ANKRD26: variants seen among roughly 807,000 people sequenced by gnomAD.
ANKRD26 encodes ankyrin repeat domain 26.
ANKRD26 carries 141 observed loss-of-function variants against 208.7 expected under a neutral mutation model. The ratio of observed to expected loss-of-function variants is 0.68; its 90% confidence interval spans 0.59 to 0.78. The LOEUF is 0.78. Among genes scored for constraint, ANKRD26 ranks in the 30% least tolerant of loss-of-function variants. ANKRD26 has a pLI of 0.00. For missense variants in ANKRD26, 1,889 were observed against 1,938.7 expected (o/e 0.97, Z 0.48); for synonymous variants, 636 against 660.4 (o/e 0.96, Z 0.57).
Position 27,028,913 on chromosome 10 carries a change from G to GT in ANKRD26, c.3910dup (p.Thr1304AsnfsTer10), listed in dbSNP as rs1220532277. ...AATTTTGTCCATTTGCTTTTTGACT[G>GT]TAACTTTTAACTTGGCATTATCTTT... On this transcript the variant is annotated frameshift_variant, in exon 27 of 34. Coordinates refer to ENST00000376087, the MANE Select transcript of ANKRD26 (RefSeq NM_014915.3). LOFTEE classifies it high-confidence loss of function. The GT allele has an allele frequency of 6.2e-7, 1 of 1,612,488 alleles. No individual in the cohort carries two copies. Among genetic ancestry groups the GT allele is most frequent in the African/African-American group, 1.3e-5 (1 of 74,856 alleles).
In ANKRD26 at chr10:27,024,507, A is replaced by G; in HGVS notation, c.4025T>C (p.Leu1342Pro). The G allele has an allele frequency of 1.9e-6, 3 of 1,587,656 alleles. No individual in the cohort carries two copies. Among genetic ancestry groups the G allele is most frequent in the Non-Finnish European group, 2.6e-6 (3 of 1,158,554 alleles). Residue 1342 changes from leucine (L) to proline (P), a missense_variant, in exon 28 of 34, where the codon CTG (leucine) becomes CCG (proline). Coordinates refer to ENST00000376087, the MANE Select transcript of ANKRD26 (RefSeq NM_014915.3). ...LKKLMELKQS[L>P]ECNLDQEMKK... ...CATTTCTTGATCCAAATTACATTCC[A>G]GTGACTGTTTTAATTCCATAAGTTT...
At chr10:27,090,545 C>T (rs188426182) in intron 4 of ANKRD26, among the ~76,000 whole-genome samples, 1 of 152,244 alleles carries the variant, frequency 6.6e-6, no homozygotes, top group Non-Finnish European at 1.5e-5. Context: ...TAGACATAAG[C>T]ATCTTGGGTG....
At chr10:27,055,823 T>C (rs2054819422) in intron 15 of ANKRD26, among the ~76,000 whole-genome samples, 1 of 151,418 alleles carries the variant, frequency 6.6e-6, no homozygotes, top group South Asian at 2.1e-4. Flanking sequence ...AGAAATAATA[T>C]TTGATTTGAA....
At chr10:27,080,511 A>G (rs2055869344) in intron 6 of ANKRD26, 3 of 501,212 alleles carry the variant, frequency 6.0e-6, no homozygotes, top group South Asian at 1.7e-4. Context: ...CCTGCCTTAA[A>G]CTAGCAAGCC....
intron 4 of ANKRD26, among the ~76,000 whole-genome samples, chr10:26,996,996 T>C (rs1322180103): frequency 6.6e-6 from 1 of 152,202 alleles, no homozygotes; most frequent in Non-Finnish European, 1.5e-5. Flanking sequence ...TTTCTTGTTT[T>C]GTTTGTTTTG....
chr10:26,979,205 C>T (rs1033621112), intron 5 of ANKRD26, among the ~76,000 whole-genome samples: 2 of 152,026 alleles, frequency 1.3e-5, no homozygotes, highest in African/African-American at 2.4e-5. Context: ...GGCGACAGAG[C>T]GAGACTCCAT....
At chr10:26,951,003 CTTTTCTTTTCT>C in the ANKRD26 span, among the ~76,000 whole-genome samples, 1 of 78,264 alleles carries the variant, frequency 1.3e-5, no homozygotes, top group Non-Finnish European at 2.3e-5. Context: ...TTTCTTTTTT[CTTTTCTTTTCT>C]TTTTCTTTTT....
rs2056613825 is a variant in ANKRD26, at chr10:27,100,420, G to T, written c.-94C>A. 4 of 1,546,606 alleles carry T rather than the reference G, an allele frequency of 2.6e-6. No homozygotes were observed. The South Asian group carries it at 4.7e-5, about 18-fold the overall frequency. On this transcript the variant is annotated 5_prime_UTR_variant, in exon 1 of 34. Transcript: ENST00000376087. ...CATAACAAGTCAGCCCCGGCTGGCC[G>T]CAGCCTCCCAAAGGAAACTCCGCGG...
chr10:27,088,023 C>A (rs1239833875), intron 4 of ANKRD26, among the ~76,000 whole-genome samples: 1 of 152,076 alleles, frequency 6.6e-6, no homozygotes, highest in Non-Finnish European at 1.5e-5. Flanking sequence ...TGGCCTCAAG[C>A]AATTCTCCTG....
intron 15 of ANKRD26, among the ~76,000 whole-genome samples, chr10:27,059,314 G>T (rs1296642059): frequency 1.3e-5 from 2 of 152,190 alleles, no homozygotes; most frequent in Non-Finnish European, 2.9e-5. Context: ...AGAGCTACTT[G>T]TGTCGATACG....
In ANKRD26 at chr10:27,028,864, T is replaced by C. The variant is rs2053768296; in HGVS notation, c.3960A>G (p.Leu1320=). 1 of 1,613,048 alleles carries C rather than the reference T, an allele frequency of 6.2e-7. No homozygotes were observed. Residue 1320 remains leucine, a synonymous_variant, in exon 27 of 34, where the codon TTA becomes TTG. Transcript: ENST00000376087. ...GTGGCTGACTTACCAAATTTGCATT[T>C]AACAGGTTTTTCTGAAGCTCCTCAA... ...DKIEELQKNL[L]NANLSEDEKE...
chr10:26,972,835 C>T (rs2052170766), downstream of ANKRD26, among the ~76,000 whole-genome samples: 1 of 152,060 alleles, frequency 6.6e-6, no homozygotes, highest in Non-Finnish European at 1.5e-5. Flanking sequence ...TGTGATCTGC[C>T]CGCCTCAGCC....
At chr10:27,089,500 T>C (rs1162594851) in intron 4 of ANKRD26, among the ~76,000 whole-genome samples, 1 of 152,212 alleles carries the variant, frequency 6.6e-6, no homozygotes, top group Non-Finnish European at 1.5e-5. Flanking sequence ...GATAAAAAAA[T>C]TCTATACCCG....
At position 27,046,510 on chromosome 10, in the gene ANKRD26, A is replaced by C. The variant is rs1423059400; in HGVS notation, c.1828T>G (p.Leu610Val). 6.2e-7 allele frequency: 1 copy of C among 1,613,806 alleles called. No homozygotes were observed. Among genetic ancestry groups the C allele is most frequent in the Non-Finnish European group, 8.5e-7 (1 of 1,179,978 alleles). Residue 610 changes from leucine to valine, a missense_variant, in exon 18 of 34, where the codon TTG becomes GTG. Around this residue, in one of 3 missense-constraint regions of ANKRD26, gnomAD observed 1,272 missense variants for 1,273.8 expected, o/e 1.00. Transcript: ENST00000376087. ...GTGCTCTTTACTTCCTTCATTTGCA[A>C]GGCAGGACCACTACTTTAAAAAATC... ...NKEYASSGPALQMKEVKSTEK... is the reference protein window; with the variant it reads ...NKEYASSGPAVQMKEVKSTEK...
At chr10:26,984,987 T>C (rs770881253) in intron 3 of ANKRD26, among the ~76,000 whole-genome samples, 3 of 152,186 alleles carry the variant, frequency 2.0e-5, no homozygotes, top group Admixed American at 6.6e-5. Context: ...CCTATCACTG[T>C]GAAGTTCAGA....
chr10:27,050,161 A>G (rs1437123020), intron 16 of ANKRD26, among the ~76,000 whole-genome samples: 1 of 130,498 alleles, frequency 7.7e-6, no homozygotes, highest in Non-Finnish European at 1.6e-5. Flanking sequence ...CGGAGGTTGC[A>G]GTGAGCCAAG....
In ANKRD26 at chr10:27,035,178, G is replaced by T; in HGVS notation, c.3272C>A (p.Thr1091Asn). 1 of 1,613,968 alleles carries T rather than the reference G, an allele frequency of 6.2e-7. No homozygotes were observed. The highest frequency in any genetic ancestry group is 8.5e-7 in the Non-Finnish European group (1 of 1,179,918). ...CTTTTGTACCCGTTCTAAACCCAAA[G>T]TCTTTTCTCTGAGGGCATCTCTCGT... ...HHTRDALREKTLGLERVQKDL... is the reference protein window; with the variant it reads ...HHTRDALREKNLGLERVQKDL... Residue 1091 changes from threonine to asparagine, a missense_variant, in exon 24 of 34, where the codon ACT (threonine) becomes AAT (asparagine). Physicochemically the swap from Thr to Asn is moderately conservative, Grantham distance 65 (BLOSUM62 0). Coordinates refer to ENST00000376087, the MANE Select transcript of ANKRD26 (RefSeq NM_014915.3).
At position 27,017,524 on chromosome 10, in the gene ANKRD26, T is replaced by G; in HGVS notation, c.4484A>C (p.Lys1495Thr). ...RARQEIAEKL[K>T]EVNLFLQAQA... Reference sequence around the variant, plus strand: ...AACCTGTAAAAATAGATTGACTTCTTTTAATTTTTCTGCTATTTCCTGTCT... The same window carrying G: ...AACCTGTAAAAATAGATTGACTTCTGTTAATTTTTCTGCTATTTCCTGTCT... The change falls in exon 30 of 34, where the codon AAA becomes ACA. Residue 1495 changes from lysine to threonine, a missense_variant. This residue lies in a region of ANKRD26 where 613 missense variants were observed against 648.2 expected (regional missense o/e 0.95). Coordinates refer to ENST00000376087, the MANE Select transcript of ANKRD26 (RefSeq NM_014915.3). 4 of 1,613,668 alleles carry G rather than the reference T, an allele frequency of 2.5e-6. No homozygotes were observed. Among genetic ancestry groups the G allele is most frequent in the Non-Finnish European group, 3.4e-6 (4 of 1,179,820 alleles).
Position 27,035,651 on chromosome 10 carries a change from A to G in ANKRD26, c.2799T>C (p.Asn933=). 6.3e-7 allele frequency: 1 copy of G among 1,589,776 alleles called. No individual in the cohort carries two copies. The highest frequency in any genetic ancestry group is 8.5e-7 in the Non-Finnish European group (1 of 1,172,500). Residue 933 remains asparagine, a synonymous_variant, in exon 24 of 34, where the codon AAT becomes AAC. Transcript: ENST00000376087. ...MLRLEIDTIK[N]QNQEKEKKCF... ...ATTTCTTTTCTTTTTCCTGGTTTTG[A>G]TTTTTTATTGTGTCTATTTCTAGTC...
Sources: gnomAD v4.1 joint callset for allele counts (sites outside exome capture counted in the v4.1 genomes callset) on GRCh38, gnomAD v4.1.1 for gene constraint, gnomAD v4.1.1 regional missense constraint, MANE v1.5 for transcripts, NCBI Gene and HGNC (gene_info 2026-07-23, HGNC 2026-07-21) for gene names.